CHST11: variants seen among roughly 807,000 people sequenced by gnomAD.
CHST11 encodes carbohydrate sulfotransferase 11.
Under a neutral mutation model 30.4 loss-of-function variants are expected in CHST11, and 9 were observed. That is an observed-to-expected ratio of 0.30 (90% CI 0.18 to 0.52). The LOEUF (loss-of-function observed/expected upper bound fraction) is 0.52, where lower values mean the gene tolerates loss of function less well. Ranked by LOEUF, CHST11 falls within the 20% of genes least tolerant of loss-of-function variation. CHST11 has a pLI of 0.97. For synonymous variants in CHST11, 152 were observed against 187.8 expected, an observed-to-expected ratio of 0.81 and a Z score of 1.56; for missense variants, 348 against 460.6, an observed-to-expected ratio of 0.76 and a Z score of 2.24.
At chr12:104,740,155 C>G (rs932461054) in intron 2 of CHST11, among the ~76,000 whole-genome samples, 1 of 152,130 alleles carries the variant, frequency 6.6e-6, no homozygotes, top group Non-Finnish European at 1.5e-5. Flanking sequence ...CAGTTCTTGC[C>G]TCACTTTTCT....
At chr12:104,516,332 G>A (rs770003839) in intron 1 of CHST11, among the ~76,000 whole-genome samples, 1 of 152,192 alleles carries the variant, frequency 6.6e-6, no homozygotes, top group African/African-American at 2.4e-5. Context: ...AGAGAGCACG[G>A]TGTCTGTTCA....
At chr12:104,467,467 G>A (rs2037470526) in intron 1 of CHST11, among the ~76,000 whole-genome samples, 1 of 152,186 alleles carries the variant, frequency 6.6e-6, no homozygotes, top group Admixed American at 6.5e-5. Flanking sequence ...TGTCAACTCT[G>A]GGTAAAAGTA....
intron 2 of CHST11, among the ~76,000 whole-genome samples, chr12:104,648,934 G>T (rs1322041288): frequency 1.3e-5 from 2 of 152,228 alleles, no homozygotes; most frequent in African/African-American, 4.8e-5. Context: ...GGTGACAGCT[G>T]CCTGAACTGC....
chr12:104,475,623 T>C (rs1279030367), intron 1 of CHST11, among the ~76,000 whole-genome samples: 2 of 128,890 alleles, frequency 1.6e-5, no homozygotes, highest in East Asian at 4.9e-4. Context: ...ATCATCTCCC[T>C]CCCCTGCCCT....
chr12:104,671,750 TTCTC>T lies in CHST11; in HGVS notation c.204+69769_204+69772del, dbSNP rs60876265. ...CCAATCTCTATCTTTCTCTCTCTTT[TTCTC>T]TCTCTCTCTGTCTCTCTCTCCTCCC... On this transcript the variant is annotated intron_variant, in intron 2 of 2. Transcript: ENST00000303694. Among the ~76,000 whole-genome samples, 1,033 of 152,040 alleles carry T rather than the reference TTCTC, an allele frequency of 6.8e-3. 8 individuals are homozygous for T. Among genetic ancestry groups the T allele is most frequent in the African/African-American group, 0.024 (993 of 41,466 alleles).
At chr12:104,626,343 A>G (rs2039214012) in intron 2 of CHST11, among the ~76,000 whole-genome samples, 1 of 152,172 alleles carries the variant, frequency 6.6e-6, no homozygotes, top group Admixed American at 6.5e-5. Flanking sequence ...TGTACAATTC[A>G]TTCTGACCAA....
rs2037364278 is a variant in CHST11, at chr12:104,457,511, C to T, written c.100C>T (p.Gln34Ter). 6.2e-7 allele frequency: 1 copy of T among 1,612,982 alleles called. No homozygotes were observed. The highest frequency in any genetic ancestry group is 1.7e-5 in the Admixed American group (1 of 60,012). Residue 34 changes from glutamine (Q) to a stop codon, truncating the protein, a stop_gained, in exon 1 of 3, where the codon CAA (glutamine) becomes TAA (stop). Transcript: ENST00000303694. LOFTEE classifies it high-confidence loss of function. ...GSFILVIFYF[Q>*]SMLHPVMRRN... ...CTTTATCCTGGTCATCTTCTATTTC[C>T]AAAGTATGTTGCACCCAGGTAGGGG...
chr12:104,602,023 T>TG, intron 2 of CHST11, 32 bp downstream of exon 2: 1 of 1,162,148 alleles, frequency 8.6e-7, no homozygotes, highest in Non-Finnish European at 1.1e-6. Flanking sequence ...AGCATGTGAA[T>TG]TTTTTTTTTT....
At chr12:104,543,315 C>T (rs1284816597) in intron 1 of CHST11, among the ~76,000 whole-genome samples, 2 of 152,232 alleles carry the variant, frequency 1.3e-5, no homozygotes, top group African/African-American at 2.4e-5. Context: ...CCTAGGCCCA[C>T]GCCCAACATT....
chr12:104,721,749 T>C (rs2040179047), intron 2 of CHST11, among the ~76,000 whole-genome samples: 1 of 152,170 alleles, frequency 6.6e-6, no homozygotes, highest in Non-Finnish European at 1.5e-5. Flanking sequence ...AAAGAACCAC[T>C]ATAAATACTC....
At chr12:104,513,081 G>A (rs890202967) in intron 1 of CHST11, among the ~76,000 whole-genome samples, 1 of 129,740 alleles carries the variant, frequency 7.7e-6, no homozygotes, top group African/African-American at 2.9e-5. Flanking sequence ...TGGAGCTCAA[G>A]GCTACTTTTG....
intron 1 of CHST11, among the ~76,000 whole-genome samples, chr12:104,548,337 A>C (rs2136007192): frequency 6.6e-6 from 1 of 152,148 alleles, no homozygotes; most frequent in East Asian, 1.9e-4. Flanking sequence ...GATTTGTAGC[A>C]TTTGCCAATT....
chr12:104,469,677 G>A (rs2037489563), intron 1 of CHST11, among the ~76,000 whole-genome samples: 1 of 152,162 alleles, frequency 6.6e-6, no homozygotes, highest in East Asian at 1.9e-4. Flanking sequence ...AACTGCAGGT[G>A]TCATGGAGCT....
chr12:104,717,776 AAAC>A (rs539454570), intron 2 of CHST11, among the ~76,000 whole-genome samples: 69 of 151,386 alleles, frequency 4.6e-4, no homozygotes, highest in Middle Eastern at 3.4e-3. Context: ...GCCTCAAAAC[AAAC>A]AACAACAACA....
At chr12:104,548,477 TAGA>T (rs939283054) in intron 1 of CHST11, among the ~76,000 whole-genome samples, 12 of 152,078 alleles carry the variant, frequency 7.9e-5, no homozygotes, top group Non-Finnish European at 1.6e-4. Context: ...AGCTCACCAC[TAGA>T]AGGACAGGGA....
At chr12:104,460,116 A>G (rs1398206187) in intron 1 of CHST11, among the ~76,000 whole-genome samples, 1 of 152,174 alleles carries the variant, frequency 6.6e-6, no homozygotes, top group Non-Finnish European at 1.5e-5. Context: ...AAAGTTAAAG[A>G]TCCTTGCTTC....
chr12:104,666,946 C>T (rs916035379), intron 2 of CHST11, among the ~76,000 whole-genome samples: 1 of 152,224 alleles, frequency 6.6e-6, no homozygotes, highest in African/African-American at 2.4e-5. Context: ...GTCTGCATCA[C>T]ACTCCTGCCA....
At chr12:104,626,736 C>T (rs781503716) in intron 2 of CHST11, among the ~76,000 whole-genome samples, 1 of 151,600 alleles carries the variant, frequency 6.6e-6, no homozygotes, top group Non-Finnish European at 1.5e-5. Context: ...ATGGCAAAAT[C>T]GAGCAGAAGG....
chr12:104,472,376 G>A (rs1299707198), intron 1 of CHST11, among the ~76,000 whole-genome samples: 1 of 150,364 alleles, frequency 6.7e-6, no homozygotes, highest in Non-Finnish European at 1.5e-5. Context: ...CAAGATATTG[G>A]CTGCAAAGTT....
Sources: allele counts gnomAD v4.1 joint callset (sites outside exome capture counted in the v4.1 genomes callset), GRCh38; gene constraint gnomAD v4.1.1; transcripts MANE v1.5; gene names NCBI Gene and HGNC (gene_info 2026-07-23, HGNC 2026-07-21).